Variants in CD163 observed in about 807,000 individuals in gnomAD.
CD163 encodes scavenger receptor cysteine-rich type 1 protein M130.
A neutral mutation model predicts 129.2 loss-of-function variants in CD163; 64 were observed. That is an observed-to-expected ratio of 0.50 (90% CI 0.41 to 0.61). CD163 has a LOEUF of 0.61. Among genes scored for constraint, CD163 ranks in the 20% least tolerant of loss-of-function variants. The pLI is 0.00. For missense variants in CD163, 1,061 were observed against 1,377.9 expected (o/e 0.77, Z 3.64); for synonymous variants, 446 against 478.5 (o/e 0.93, Z 0.89).
intron 10 of CD163, among the ~76,000 whole-genome samples, chr12:7,486,265 T>C (rs1049162483): frequency 6.6e-6 from 1 of 152,218 alleles, no homozygotes; most frequent in East Asian, 1.9e-4. Flanking sequence ...TTAACTTTGT[T>C]GTCATTTTCA....
At chr12:7,490,314 T>A (rs908967869) in intron 6 of CD163, among the ~76,000 whole-genome samples, 2 of 151,972 alleles carry the variant, frequency 1.3e-5, no homozygotes, top group Non-Finnish European at 2.9e-5. Context: ...AGTAACTTAC[T>A]GTAGCTGAAA....
At position 7,485,511 on chromosome 12, in the gene CD163, GGTACAATA is replaced by G. The variant is rs1273271193; in HGVS notation, c.2459-103_2459-96del. On this transcript the variant is annotated intron_variant, in intron 10 of 16. Coordinates refer to ENST00000432237, the MANE Select transcript of CD163 (RefSeq NM_203416.4). The surrounding 1 kb of genome is among the most constrained non-coding windows in gnomAD (Gnocchi z 4.5). The stretch of plus-strand genomic sequence containing the variant: ...TGATGTAAGAATGGCTTTAAAAATA[GGTACAATA>G]GTACAATATGTCAGTTACTAATAAT... 4.6e-6 allele frequency: 4 copies of G among 863,992 alleles called. No individual in the cohort carries two copies. The African/African-American group carries it at 5.0e-5, about 11-fold the overall frequency. 53.5% of individuals were successfully genotyped at this position (863,992 alleles called of 1,614,324 possible).
chr12:7,502,398 C>G (rs1217100979), intron 2 of CD163, 80 bp downstream of exon 2: 2 of 853,708 alleles, frequency 2.3e-6, no homozygotes, highest in African/African-American at 3.3e-5. Flanking sequence ...TGCTACTTGG[C>G]CTTCAGAAAA....
At chr12:7,484,764 T>A (rs1179996803) in intron 11 of CD163, among the ~76,000 whole-genome samples, 1 of 151,750 alleles carries the variant, frequency 6.6e-6, no homozygotes, top group Admixed American at 6.6e-5. Flanking sequence ...AATGGGAAGG[T>A]AAGGTAGACC....
rs568300896 is a variant in CD163 at position 7,486,542 on chromosome 12, C to T, written c.2415G>A (p.Gln805=). The change falls in exon 10 of 17, where the codon CAG becomes CAA. Residue 805 remains glutamine (Q), a synonymous_variant. Coordinates refer to ENST00000432237, the MANE Select transcript of CD163 (RefSeq NM_203416.4). ...CATCCTCCTTGTGCCTGCAATTTTG[C>T]TGCCCCCAGCCGTGTGAATGGCACT... ...IWQCHSHGWG[Q]QNCRHKEDAG... 12 of 1,614,182 alleles carry T rather than the reference C, an allele frequency of 7.4e-6. No homozygotes were observed. Among genetic ancestry groups the T allele is most frequent in the Middle Eastern group, 1.7e-4 (1 of 6,058 alleles).
chr12:7,487,857 C>T lies in CD163; in HGVS notation c.1651G>A (p.Glu551Lys). The T allele has an allele frequency of 6.2e-7, 1 of 1,614,168 alleles. No homozygotes were observed. The highest frequency in any genetic ancestry group is 8.5e-7 in the Non-Finnish European group (1 of 1,180,046). Residue 551 changes from glutamate (E) to lysine (K), a missense_variant, in exon 7 of 17, where the codon GAG (glutamate) becomes AAG (lysine). Coordinates refer to ENST00000432237, the MANE Select transcript of CD163 (RefSeq NM_203416.4). The surrounding 1 kb of genome is among the most constrained non-coding windows in gnomAD (Gnocchi z 5.1). ...WAEEFQCEGH[E>K]SHLSLCPVAP... ...ACTGGGCAGAGTGAAAGATGGGACTCATGTCCCTCACACTGGAATTCTTCA... is the reference window on the plus strand; with the variant it reads ...ACTGGGCAGAGTGAAAGATGGGACTTATGTCCCTCACACTGGAATTCTTCA...
intron 6 of CD163, among the ~76,000 whole-genome samples, chr12:7,488,848 T>C (rs1416156742): frequency 2.0e-5 from 3 of 151,266 alleles, no homozygotes; most frequent in Non-Finnish European, 4.4e-5. Context: ...TAATTAATGA[T>C]ATACAGGCCA....
rs767861017 is a variant in CD163, at chr12:7,501,368, A to G, written c.228T>C (p.Cys76=). 2.2e-5 allele frequency: 35 copies of G among 1,614,030 alleles called. No individual in the cohort carries two copies. Among genetic ancestry groups the G allele is most frequent in the Non-Finnish European group, 2.9e-5 (34 of 1,180,006 alleles). Residue 76 remains cysteine (C), a synonymous_variant, in exon 3 of 17, where the codon TGT becomes TGC. Transcript: ENST00000432237. ...VKVQEEWGTV[C]NNGWSMEAVS... ...CCGCTTCCATGCTCCAGCCATTATTACACACCGTTCCCCACTCCTCCTGGA... is the reference window on the plus strand; with the variant it reads ...CCGCTTCCATGCTCCAGCCATTATTGCACACCGTTCCCCACTCCTCCTGGA...
chr12:7,479,891 T>C lies in CD163; in HGVS notation c.3366A>G (p.Ter1122TrpextTer10). 6.2e-7 allele frequency: 1 copy of C among 1,612,524 alleles called. No homozygotes were observed. Among genetic ancestry groups the C allele is most frequent in the Non-Finnish European group, 8.5e-7 (1 of 1,179,282 alleles). ...NSSGGHSEPH[*>W] The stretch of plus-strand genomic sequence containing the variant: ...GGGTTATAAATTCCCATTTTCCTTT[T>C]CAGTGTGGCTCAGAATGGCCTCCTT... The change falls in exon 16 of 17, where the codon TGA (stop) becomes TGG (tryptophan). Residue 1122 changes from the stop codon to tryptophan, a stop_lost. Transcript: ENST00000432237.
chr12:7,484,169 A>G (rs1399801429), intron 11 of CD163, among the ~76,000 whole-genome samples: 1 of 151,080 alleles, frequency 6.6e-6, no homozygotes, highest in Non-Finnish European at 1.5e-5. Context: ...TTTATCTTTT[A>G]TAAGAGGACT....
chr12:7,499,502 G>A lies in CD163; in HGVS notation c.458-314C>T, dbSNP rs758130682. Among the ~76,000 whole-genome samples, 13 of 152,088 alleles carry A rather than the reference G, an allele frequency of 8.5e-5. No individual in the cohort carries two copies. The East Asian group carries it at 9.6e-4, about 11-fold the overall frequency. ...TTTTTGTACAGAAATAGATAAATTCGACTCAAGTTATTTAAATTTGACTCA... is the reference window on the plus strand; with the variant it reads ...TTTTTGTACAGAAATAGATAAATTCAACTCAAGTTATTTAAATTTGACTCA... On this transcript the variant is annotated intron_variant, in intron 3 of 16. Transcript: ENST00000432237.
At chr12:7,497,210 G>T in intron 4 of CD163, 77 bp from the exon 5 acceptor site, 1 of 1,213,838 alleles carries the variant, frequency 8.2e-7, no homozygotes, top group Non-Finnish European at 1.2e-6. Flanking sequence ...CCTGAGATGA[G>T]TTAAGGAAAA....
At chr12:7,477,145 G>A (rs943726828) in intron 16 of CD163, among the ~76,000 whole-genome samples, 9 of 152,186 alleles carry the variant, frequency 5.9e-5, no homozygotes, top group Non-Finnish European at 1.3e-4. Flanking sequence ...TGGTGGGAGT[G>A]TAAATTAGTT....
intron 4 of CD163, among the ~76,000 whole-genome samples, chr12:7,497,378 G>T (rs770959885): frequency 2.0e-5 from 3 of 152,274 alleles, no homozygotes; most frequent in South Asian, 4.1e-4. Flanking sequence ...GAGATACAGG[G>T]ACTGAATTTC....
chr12:7,476,082 A>G (rs1198905379), intron 16 of CD163, among the ~76,000 whole-genome samples: 2 of 152,174 alleles, frequency 1.3e-5, no homozygotes, highest in African/African-American at 4.8e-5. Flanking sequence ...TCAAGGAAAG[A>G]AAAGAGGACA....
Position 7,474,038 on chromosome 12 carries a change from A to T in CD163, c.*32-2641T>A, listed in dbSNP as rs751720050. ...GCAACAAGAAGAGCTAACTATACTA[A>T]ATACATATGCACCCAATACAGGAGC... On this transcript the variant is annotated intron_variant, in intron 16 of 16. Coordinates refer to ENST00000432237, the MANE Select transcript of CD163 (RefSeq NM_203416.4). 5.9e-5 allele frequency among the ~76,000 whole-genome samples: 9 copies of T among 152,314 alleles called. No homozygotes were observed. The South Asian group carries it at 1.4e-3, about 25-fold the overall frequency.
intron 11 of CD163, among the ~76,000 whole-genome samples, chr12:7,483,966 A>G (rs1452398666): frequency 1.3e-5 from 2 of 149,378 alleles, no homozygotes; most frequent in Middle Eastern, 3.4e-3. Flanking sequence ...TCAGCCTCCC[A>G]AGTAGCTGGG....
chr12:7,485,245 G>A lies in CD163; in HGVS notation c.2630C>T (p.Pro877Leu), dbSNP rs1193658921. 6.2e-7 allele frequency: 1 copy of A among 1,614,182 alleles called. No homozygotes were observed. Among genetic ancestry groups the A allele is most frequent in the Non-Finnish European group, 8.5e-7 (1 of 1,180,020 alleles). ...LGCADKGKIN[P>L]ASLDKAMSIP... ...GGACATGGCCTTGTCTAAAGATGCAGGGTTGATTTTCCCTTTGTCTGCACA... is the reference window on the plus strand; with the variant it reads ...GGACATGGCCTTGTCTAAAGATGCAAGGTTGATTTTCCCTTTGTCTGCACA... Residue 877 changes from proline to leucine, a missense_variant, in exon 11 of 17, where the codon CCT becomes CTT. By Grantham distance (98) the Pro-to-Leu change is moderately conservative. Coordinates refer to ENST00000432237, the MANE Select transcript of CD163 (RefSeq NM_203416.4). This position sits in a 1 kb window ranked among gnomAD's most constrained non-coding sequence, Gnocchi z 4.5.
At chr12:7,479,057 A>G (rs1949126117) in intron 16 of CD163, among the ~76,000 whole-genome samples, 1 of 152,064 alleles carries the variant, frequency 6.6e-6, no homozygotes, top group African/African-American at 2.4e-5. Flanking sequence ...GAAACTTTCA[A>G]AGCTCATCAT....
Sources: allele counts gnomAD v4.1 joint callset (sites outside exome capture counted in the v4.1 genomes callset), GRCh38; gene constraint gnomAD v4.1.1; non-coding constraint Gnocchi (gnomAD v3.1); transcripts MANE v1.5; gene names NCBI Gene and HGNC (gene_info 2026-07-23, HGNC 2026-07-21).